The following ZNF277 variants were observed in gnomAD, a reference collection of about 807,000 sequenced individuals.
ZNF277 encodes zinc finger protein 277, also known as nuclear receptor-interacting factor 4.
Under a neutral mutation model 60.7 loss-of-function variants are expected in ZNF277, and 55 were observed. The observed-to-expected ratio is 0.91, with a 90% CI of 0.73 to 1.13. ZNF277 has a LOEUF of 1.13. Among genes scored for constraint, ZNF277 ranks in the 50% most tolerant of loss-of-function variants. The probability of loss-of-function intolerance (pLI) is 0.00; values close to 1 mark genes in which losing one functional copy is unlikely to be tolerated. For synonymous variants in ZNF277, 178 were observed against 179.3 expected (o/e 0.99, Z 0.06); for missense variants, 510 against 523.0 (o/e 0.98, Z 0.24).
chr7:112,226,493 T>A (rs781069780), intron 1 of ZNF277, among the ~76,000 whole-genome samples: 1 of 152,206 alleles, frequency 6.6e-6, no homozygotes, highest in Non-Finnish European at 1.5e-5. Context: ...TCTTTGTTTC[T>A]CTAGTTTAGT....
At chr7:112,333,398 G>C (rs888477405) in intron 7 of ZNF277, among the ~76,000 whole-genome samples, 2 of 152,180 alleles carry the variant, frequency 1.3e-5, no homozygotes, top group Non-Finnish European at 2.9e-5. Context: ...TCAGAAGTCA[G>C]TATGGAAAAC....
intron 1 of ZNF277, among the ~76,000 whole-genome samples, chr7:112,208,674 A>ATTTTTTTTTTTTTGTTTTTTTTTTTTTT (rs1821647415): frequency 1.4e-5 from 1 of 72,802 alleles, no homozygotes; most frequent in African/African-American, 6.0e-5. Flanking sequence ...GTATGATTTG[A>ATTTTTTTTTTTTTGTTTTTTTTTTTTTT]TTTTTTTTTT....
chr7:112,246,363 C>A (rs1435213545), intron 1 of ZNF277, among the ~76,000 whole-genome samples: 1 of 152,134 alleles, frequency 6.6e-6, no homozygotes, highest in Admixed American at 6.5e-5. Flanking sequence ...CACTGCACTC[C>A]AGCCTCGCGA....
At chr7:112,288,180 G>C (rs908302710) in intron 2 of ZNF277, 38 of 152,168 alleles carry the variant, frequency 2.5e-4, no homozygotes, top group African/African-American at 9.2e-4. Flanking sequence ...TGATGAGGTT[G>C]ATTCCTTTTT....
chr7:112,332,317 G>C (rs1793244584), intron 7 of ZNF277, among the ~76,000 whole-genome samples: 1 of 152,098 alleles, frequency 6.6e-6, no homozygotes. Context: ...ACAATTTTGT[G>C]ACACAGGTAT....
intron 11 of ZNF277, among the ~76,000 whole-genome samples, chr7:112,341,651 A>T (rs1793447655): frequency 6.6e-6 from 1 of 152,304 alleles, no homozygotes; most frequent in South Asian, 2.1e-4. Flanking sequence ...ATTCCCATGT[A>T]TCCTTTGCCA....
At chr7:112,297,548 A>C (rs1792383289) in intron 4 of ZNF277, among the ~76,000 whole-genome samples, 1 of 152,144 alleles carries the variant, frequency 6.6e-6, no homozygotes, top group African/African-American at 2.4e-5. Flanking sequence ...CCAAATGATT[A>C]TTTCTTCCAG....
intron 2 of ZNF277, among the ~76,000 whole-genome samples, chr7:112,294,214 G>T (rs1792275085): frequency 6.6e-6 from 1 of 152,174 alleles, no homozygotes; most frequent in Non-Finnish European, 1.5e-5. Context: ...GGTGGGGAAA[G>T]CAACTAGTGA....
chr7:112,294,733 C>G (rs1214835644), intron 2 of ZNF277, among the ~76,000 whole-genome samples: 2 of 152,062 alleles, frequency 1.3e-5, no homozygotes, highest in Non-Finnish European at 2.9e-5. Context: ...GCACAGACTT[C>G]TAATACACAA....
chr7:112,311,573 G>A (rs1478401726), intron 4 of ZNF277, among the ~76,000 whole-genome samples: 1 of 152,100 alleles, frequency 6.6e-6, no homozygotes, highest in South Asian at 2.1e-4. Context: ...AAGTAGATGG[G>A]CACATCTTCG....
chr7:112,330,300 G>C (rs775523222), intron 7 of ZNF277, 84 bp downstream of exon 7: 1 of 1,368,240 alleles, frequency 7.3e-7, no homozygotes, highest in African/African-American at 1.4e-5. Flanking sequence ...ATTTGAATAA[G>C]CAATTATTGC....
At chr7:112,261,995 A>G (rs1257038287) in intron 1 of ZNF277, among the ~76,000 whole-genome samples, 10 of 152,098 alleles carry the variant, frequency 6.6e-5, no homozygotes, top group Admixed American at 6.6e-4. Flanking sequence ...TCTATTAAAC[A>G]TTGATTCTTC....
chr7:112,319,765 G>A (rs1375436482), intron 5 of ZNF277, among the ~76,000 whole-genome samples: 3 of 150,836 alleles, frequency 2.0e-5, no homozygotes, highest in Non-Finnish European at 3.0e-5. Context: ...AGTGGTAAAG[G>A]TTTGATTCTC....
In ZNF277 at chr7:112,305,769, T is replaced by C. The variant is rs1263831492; in HGVS notation, c.465+9458T>C. Reference sequence around the variant, plus strand: ...AAGAAGCATCTCTGGTCCCTCTTTTTAATTACCGATGACTGATATACCACT... The same window carrying C: ...AAGAAGCATCTCTGGTCCCTCTTTTCAATTACCGATGACTGATATACCACT... On this transcript the variant is annotated intron_variant, in intron 4 of 11. Coordinates refer to ENST00000361822, the MANE Select transcript of ZNF277 (RefSeq NM_021994.3). Among the ~76,000 whole-genome samples the C allele has an allele frequency of 2.0e-5, 3 of 152,134 alleles. 1 individual carries two copies. Among genetic ancestry groups the C allele is most frequent in the Non-Finnish European group, 2.9e-5 (2 of 68,016 alleles).
chr7:112,227,772 C>A (rs565661856), intron 1 of ZNF277, among the ~76,000 whole-genome samples: 1 of 152,102 alleles, frequency 6.6e-6, no homozygotes, highest in South Asian at 2.1e-4. Flanking sequence ...TGAAGCCATT[C>A]CTGAATGGCT....
intron 7 of ZNF277, among the ~76,000 whole-genome samples, chr7:112,331,077 T>C (rs1793220259): frequency 6.6e-6 from 1 of 152,190 alleles, no homozygotes; most frequent in Non-Finnish European, 1.5e-5. Flanking sequence ...CATTTTACTA[T>C]GGAAGGGGAT....
At chr7:112,331,834 A>G (rs1323230767) in intron 7 of ZNF277, among the ~76,000 whole-genome samples, 8 of 152,218 alleles carry the variant, frequency 5.3e-5, no homozygotes, top group Non-Finnish European at 8.8e-5. Context: ...GCATCTAGCT[A>G]TAGGAGCAAT....
rs149739673 is a variant in ZNF277, at chr7:112,308,532, A to G, written c.466-9650A>G. ...ATTATGTCTTAAAAAAAAATTGAAA[A>G]AATTATGATCATGATATATATGAGG... On this transcript the variant is annotated intron_variant, in intron 4 of 11. Transcript: ENST00000361822. 6.0e-4 allele frequency among the ~76,000 whole-genome samples: 92 copies of G among 152,090 alleles called. No individual in the cohort carries two copies. In the East Asian group the frequency reaches 0.017, roughly 28 times the overall value.
intron 1 of ZNF277, among the ~76,000 whole-genome samples, chr7:112,261,987 T>C (rs1185830875): frequency 2.0e-5 from 3 of 152,262 alleles, no homozygotes; most frequent in East Asian, 3.9e-4. Context: ...TATTATCTTC[T>C]ATTAAACATT....
Sources: allele counts gnomAD v4.1 joint callset (sites outside exome capture counted in the v4.1 genomes callset), GRCh38; gene constraint gnomAD v4.1.1; transcripts MANE v1.5; gene names NCBI Gene and HGNC (gene_info 2026-07-23, HGNC 2026-07-21).